The following GFI1 variants were observed in gnomAD, a reference collection of about 807,000 sequenced individuals.
GFI1 encodes the protein growth factor independent 1 transcriptional repressor.
Under a neutral mutation model 39.2 loss-of-function variants are expected in GFI1, and 15 were observed. That is an observed-to-expected ratio of 0.38 (90% CI 0.26 to 0.59). The LOEUF (loss-of-function observed/expected upper bound fraction) is 0.59. Among genes scored for constraint, GFI1 ranks in the 20% least tolerant of loss-of-function variants. The pLI, the probability that GFI1 is intolerant of heterozygous loss-of-function variation, is 0.62. For missense variants in GFI1, 475 were observed against 574.0 expected (o/e 0.83, Z 1.76); for synonymous variants, 239 against 254.3 (o/e 0.94, Z 0.57).
chr1:92,478,537 T>C (rs1658066713), intron 6 of GFI1, 51 bp downstream of exon 6: 4 of 1,482,506 alleles, frequency 2.7e-6, no homozygotes, highest in Non-Finnish European at 3.8e-6. Flanking sequence ...AGAAGATGAG[T>C]AATGTTGGCC....
chr1:92,486,345 G>A (rs961828818), intron 1 of GFI1, among the ~76,000 whole-genome samples: 1 of 152,202 alleles, frequency 6.6e-6, no homozygotes, highest in African/African-American at 2.4e-5. Context: ...GGGGGAAATT[G>A]GAGGTCCGGA....
chr1:92,485,454 A>C (rs1253555865), intron 1 of GFI1, among the ~76,000 whole-genome samples: 2 of 152,276 alleles, frequency 1.3e-5, no homozygotes, highest in African/African-American at 4.8e-5. Flanking sequence ...TGGCGCCACC[A>C]GAGACCAGGC....
In GFI1 at chr1:92,480,698, T is replaced by G; in HGVS notation, c.689A>C (p.His230Pro). 6.3e-7 allele frequency: 1 copy of G among 1,596,252 alleles called. No homozygotes were observed. The highest frequency in any genetic ancestry group is 8.5e-7 in the Non-Finnish European group (1 of 1,177,902). Residue 230 changes from histidine (H) to proline (P), a missense_variant, in exon 4 of 7, where the codon CAC becomes CCC. This residue lies in a region of GFI1 where 79 missense variants were observed against 68.4 expected (regional missense o/e 1.15). Coordinates refer to ENST00000294702, the MANE Select transcript of GFI1 (RefSeq NM_005263.5). This position sits in a 1 kb window ranked among gnomAD's most constrained non-coding sequence, Gnocchi z 5.6. ...CTTGACGCCAGCGCCCTTGTCTGCG[T>G]GCAGCCCGTGGCCACGCTCGGGGTA... ...LLYPERGHGL[H>P]ADKGAGVKVE...
At chr1:92,477,632 A>G (rs995334069) in intron 6 of GFI1, among the ~76,000 whole-genome samples, 2 of 152,366 alleles carry the variant, frequency 1.3e-5, no homozygotes, top group East Asian at 3.9e-4. Context: ...ACATGGCTAC[A>G]TTATTCATTC....
chr1:92,485,895 C>G (rs1658505171), intron 1 of GFI1: 1 of 152,254 alleles, frequency 6.6e-6, no homozygotes. Context: ...GCACGGCGGT[C>G]CGCAGCAGGT....
intron 2 of GFI1, 56 bp downstream of exon 2, chr1:92,483,317 G>A: frequency 2.1e-6 from 2 of 964,468 alleles, no homozygotes; most frequent in Non-Finnish European, 3.3e-6. Context: ...ATGGTGTGCC[G>A]AGGTGCAGTA....
Position 92,481,128 on chromosome 1 carries a change from C to G in GFI1, c.299-40G>C, listed in dbSNP as rs548612130. ...GGGGAGCGTCCGGTCAGGCTTCAGA[C>G]GGCAGAGCGGAGGCCGCCGGGCTGC... On this transcript the variant is annotated intron_variant, in intron 3 of 6. Coordinates refer to ENST00000294702, the MANE Select transcript of GFI1 (RefSeq NM_005263.5). This position sits in a 1 kb window ranked among gnomAD's most constrained non-coding sequence, Gnocchi z 4.3. 1 of 1,567,618 alleles carries G rather than the reference C, an allele frequency of 6.4e-7. No individual in the cohort carries two copies. The highest frequency in any genetic ancestry group is 1.1e-5 in the South Asian group (1 of 88,374).
intron 5 of GFI1, among the ~76,000 whole-genome samples, chr1:92,479,871 A>C (rs1421852770): frequency 6.6e-6 from 1 of 152,124 alleles, no homozygotes. Flanking sequence ...AGAAAAAAGA[A>C]AAGAAAAGAA....
At position 92,480,819 on chromosome 1, in the gene GFI1, C is replaced by A; in HGVS notation, c.568G>T (p.Gly190Cys). 6.4e-7 allele frequency: 1 copy of A among 1,567,720 alleles called. No homozygotes were observed. Among genetic ancestry groups the A allele is most frequent in the South Asian group, 1.2e-5 (1 of 85,902 alleles). The change falls in exon 4 of 7, where the codon GGT becomes TGT. Residue 190 changes from glycine to cysteine, a missense_variant. Transcript: ENST00000294702. This position sits in a 1 kb window ranked among gnomAD's most constrained non-coding sequence, Gnocchi z 5.6. ...CCTAGGCCAGGGCCAGCGGTGGCAC[C>A]GGCCCCTGCGCTGCAGCTCCCTGGC... ...GAPGSCSAGA[G>C]ATAGPGLGLY...
rs1047344911 is a variant in GFI1 at position 92,481,303 on chromosome 1, T to A, written c.299-215A>T. Among the ~76,000 whole-genome samples the A allele has an allele frequency of 2.8e-4, 43 of 152,106 alleles. No homozygotes were observed. Among genetic ancestry groups the A allele is most frequent in the Non-Finnish European group, 7.4e-5 (5 of 67,982 alleles). ...TATAGGAGGCAGAACAGTAAACAGATCATTGAAAAGACCTCGGGAGAGGAG... is the reference window on the plus strand; with the variant it reads ...TATAGGAGGCAGAACAGTAAACAGAACATTGAAAAGACCTCGGGAGAGGAG... On this transcript the variant is annotated intron_variant, in intron 3 of 6. Transcript: ENST00000294702. This position sits in a 1 kb window ranked among gnomAD's most constrained non-coding sequence, Gnocchi z 4.3.
In GFI1 at chr1:92,481,392, C is replaced by T. The variant is rs1352069247; in HGVS notation, c.299-304G>A. Among the ~76,000 whole-genome samples, 1 of 152,216 alleles carries T rather than the reference C, an allele frequency of 6.6e-6. No homozygotes were observed. The highest frequency in any genetic ancestry group is 1.5e-5 in the Non-Finnish European group (1 of 68,024). Reference sequence around the variant, plus strand: ...GTTCCGAGGATCTTTTCTGGCTGGACCCGCGCACCTGGAGATCCTACAGGG... The same window carrying T: ...GTTCCGAGGATCTTTTCTGGCTGGATCCGCGCACCTGGAGATCCTACAGGG... On this transcript the variant is annotated intron_variant, in intron 3 of 6. Transcript: ENST00000294702. The surrounding 1 kb of genome is among the most constrained non-coding windows in gnomAD (Gnocchi z 4.3).
chr1:92,479,724 G>T (rs1658131678), intron 5 of GFI1, among the ~76,000 whole-genome samples: 1 of 152,092 alleles, frequency 6.6e-6, no homozygotes, highest in Non-Finnish European at 1.5e-5. Context: ...GTAGTGGCAT[G>T]CGCCTGTAAT....
At chr1:92,478,553 G>A (rs1403738375) in intron 6 of GFI1, 35 bp downstream of exon 6, 11 of 1,586,706 alleles carry the variant, frequency 6.9e-6, no homozygotes, top group Middle Eastern at 1.7e-4. Flanking sequence ...TGGCCTCAGG[G>A]TGTTTCCTAC....
chr1:92,483,538 T>C lies in GFI1; in HGVS notation c.-51A>G, dbSNP rs766426942. On this transcript the variant is annotated 5_prime_UTR_variant, in exon 2 of 7. Coordinates refer to ENST00000294702, the MANE Select transcript of GFI1 (RefSeq NM_005263.5). ...GCCCCAAGAGTCCCTGGAGCCGCTG[T>C]CACCCACGGTCACTCCGAGGGCTTG... 9 of 1,014,102 alleles carry C rather than the reference T, an allele frequency of 8.9e-6. No individual in the cohort carries two copies. Among genetic ancestry groups the C allele is most frequent in the Non-Finnish European group, 1.2e-5 (8 of 650,294 alleles). 62.8% of individuals were successfully genotyped at this position (1,014,102 alleles called of 1,614,324 possible).
In GFI1 at chr1:92,473,510, A is replaced by C. The variant is rs1657821848; in HGVS notation, c.*2519T>G. 6.6e-6 allele frequency among the ~76,000 whole-genome samples: 1 copy of C among 152,214 alleles called. No individual in the cohort carries two copies. Among genetic ancestry groups the C allele is most frequent in the African/African-American group, 2.4e-5 (1 of 41,450 alleles). ...GTTCATCATCCATCAGTTCTGAAAAACTATCTTAAACTCCATTACAGAGTA... is the reference window on the plus strand; with the variant it reads ...GTTCATCATCCATCAGTTCTGAAAACCTATCTTAAACTCCATTACAGAGTA... On this transcript the variant is annotated 3_prime_UTR_variant, in exon 7 of 7. Transcript: ENST00000294702.
rs754858245 is a variant in GFI1, at chr1:92,476,743, ACTTT to A, written c.1091-540_1091-537del. ...TATCTGAAAAAACATCTTAACATGG[ACTTT>A]CTTTCTTTCTTTATTTCTCTCTCTC... On this transcript the variant is annotated intron_variant, in intron 6 of 6. Coordinates refer to ENST00000294702, the MANE Select transcript of GFI1 (RefSeq NM_005263.5). Among the ~76,000 whole-genome samples the A allele has an allele frequency of 1.3e-3, 197 of 152,138 alleles. 1 individual carries two copies. The highest frequency in any genetic ancestry group is 1.1e-3 in the Non-Finnish European group (77 of 68,006).
At chr1:92,485,857 C>T (rs1031228315) in intron 1 of GFI1, among the ~76,000 whole-genome samples, 3 of 152,204 alleles carry the variant, frequency 2.0e-5, no homozygotes, top group Non-Finnish European at 2.9e-5. Context: ...CGCGCCCTAA[C>T]CCAGCTGCCG....
At chr1:92,479,032 ATTTT>A (rs1658100713) in intron 5 of GFI1, among the ~76,000 whole-genome samples, 1 of 152,026 alleles carries the variant, frequency 6.6e-6, no homozygotes, top group Non-Finnish European at 1.5e-5. Context: ...CACCTGACTA[ATTTT>A]TGTATTTTTA....
At chr1:92,485,660 CCT>C (rs1371385946) in intron 1 of GFI1, among the ~76,000 whole-genome samples, 2 of 152,044 alleles carry the variant, frequency 1.3e-5, no homozygotes. Context: ...CGCGCTCAGG[CCT>C]CTCCTCACCG....
Sources: gnomAD v4.1 joint callset for allele counts (sites outside exome capture counted in the v4.1 genomes callset) on GRCh38, gnomAD v4.1.1 for gene constraint, gnomAD v4.1.1 regional missense constraint, Gnocchi (gnomAD v3.1) non-coding constraint, MANE v1.5 for transcripts, NCBI Gene and HGNC (gene_info 2026-07-23, HGNC 2026-07-21) for gene names.